RHOBTB1: variants seen among roughly 807,000 people sequenced by gnomAD.
RHOBTB1 encodes the protein rho-related BTB domain-containing protein 1.
Under a neutral mutation model 71.6 loss-of-function variants are expected in RHOBTB1, and 40 were observed. That is an observed-to-expected ratio of 0.56 (90% CI 0.43 to 0.73). The LOEUF is 0.73. Ranked by LOEUF, RHOBTB1 falls within the 30% of genes least tolerant of loss-of-function variation. RHOBTB1 has a pLI of 0.00. For synonymous variants in RHOBTB1, 319 were observed against 334.9 expected (o/e 0.95, Z 0.52); for missense variants, 797 against 894.0 (o/e 0.89, Z 1.38).
rs147808298 is a variant in RHOBTB1 at position 60,875,397 on chromosome 10, C to T, written c.1727-355G>A. Among the ~76,000 whole-genome samples, 574 of 152,284 alleles carry T rather than the reference C, an allele frequency of 3.8e-3. 4 individuals carry two copies. The highest frequency in any genetic ancestry group is 5.3e-3 in the Non-Finnish European group (362 of 68,018). ...AATTAAAAGTTCAGCTCCTCATTCA[C>T]GCTAGCCACAGTAAGTGCTCAACAG... is the stretch of plus-strand genomic sequence containing the variant. On this transcript the variant is annotated intron_variant, in intron 8 of 10. Transcript: ENST00000337910.
At chr10:60,995,683 T>A (rs2087023337) in intron 1 of RHOBTB1, among the ~76,000 whole-genome samples, 1 of 152,238 alleles carries the variant, frequency 6.6e-6, no homozygotes, top group Non-Finnish European at 1.5e-5. Context: ...GGGTTGAATG[T>A]ACTTATTTAA....
intron 2 of RHOBTB1, among the ~76,000 whole-genome samples, chr10:60,983,624 A>G (rs752047466): frequency 5.9e-5 from 9 of 152,184 alleles, no homozygotes; most frequent in Non-Finnish European, 1.3e-4. Flanking sequence ...TGCATTTTAC[A>G]TCTTTGCAAA....
intron 5 of RHOBTB1, among the ~76,000 whole-genome samples, chr10:60,890,466 T>C (rs2081862851): frequency 6.6e-6 from 1 of 152,018 alleles, no homozygotes; most frequent in African/African-American, 2.4e-5. Flanking sequence ...TACAACCTAA[T>C]CAAACCCTGG....
intron 2 of RHOBTB1, among the ~76,000 whole-genome samples, chr10:60,974,780 G>A (rs2086263213): frequency 1.3e-5 from 2 of 152,080 alleles, no homozygotes; most frequent in African/African-American, 4.8e-5. Context: ...CTTACTGGTT[G>A]CAGGAACCTG....
At chr10:60,969,073 GAGTA>G (rs552309074) in intron 2 of RHOBTB1, among the ~76,000 whole-genome samples, 96 of 152,154 alleles carry the variant, frequency 6.3e-4, no homozygotes, top group African/African-American at 2.3e-3. Flanking sequence ...TTCACTTACT[GAGTA>G]AGTGAGATGA....
chr10:60,864,706 T>C (rs970515676), downstream of RHOBTB1, among the ~76,000 whole-genome samples: 3 of 152,194 alleles, frequency 2.0e-5, no homozygotes, highest in African/African-American at 7.2e-5. Flanking sequence ...TATTTATTTA[T>C]TTTTGAGACA....
chr10:60,951,975 T>C (rs1422100203), intron 2 of RHOBTB1, among the ~76,000 whole-genome samples: 9 of 151,958 alleles, frequency 5.9e-5, no homozygotes, highest in African/African-American at 2.2e-4. Flanking sequence ...GGAGAATTGC[T>C]TGAACCCAGG....
At chr10:60,971,981 A>G (rs2086174218) in intron 2 of RHOBTB1, among the ~76,000 whole-genome samples, 1 of 152,242 alleles carries the variant, frequency 6.6e-6, no homozygotes, top group South Asian at 2.1e-4. Context: ...AATCAAAACC[A>G]TAATGAGATA....
At chr10:60,898,241 A>G (rs1301246104) in intron 4 of RHOBTB1, among the ~76,000 whole-genome samples, 1 of 152,120 alleles carries the variant, frequency 6.6e-6, no homozygotes, top group Non-Finnish European at 1.5e-5. Flanking sequence ...CAAAGATTCA[A>G]GTAGGAGTGT....
chr10:60,951,875 G>A (rs2085421120), intron 2 of RHOBTB1, among the ~76,000 whole-genome samples: 1 of 151,954 alleles, frequency 6.6e-6, no homozygotes, highest in Non-Finnish European at 1.5e-5. Context: ...TGGTCAACAT[G>A]ATGAAACCCC....
rs1026030542 is a variant in RHOBTB1 at position 60,870,258 on chromosome 10, A to C, written c.*1224T>G. On this transcript the variant is annotated 3_prime_UTR_variant, in exon 11 of 11. Coordinates refer to ENST00000337910, the MANE Select transcript of RHOBTB1 (RefSeq NM_014836.5). ...ACACTGAAAACTCAGAATGAGAAAG[A>C]GTCAGAACGAACTCACAATAGCACC... The C allele has an allele frequency of 2.0e-5, 3 of 152,630 alleles. No homozygotes were observed. Among genetic ancestry groups the C allele is most frequent in the African/African-American group, 7.2e-5 (3 of 41,438 alleles). 9.5% of individuals were successfully genotyped at this position (152,630 alleles called of 1,614,324 possible).
chr10:60,932,201 G>A (rs564069031), intron 2 of RHOBTB1, among the ~76,000 whole-genome samples: 4 of 152,158 alleles, frequency 2.6e-5, no homozygotes, highest in Admixed American at 1.3e-4. Flanking sequence ...TTAGGCAGAC[G>A]TCTACACATT....
downstream of RHOBTB1, among the ~76,000 whole-genome samples, chr10:60,865,294 A>G (rs1431532189): frequency 6.6e-6 from 1 of 152,252 alleles, no homozygotes; most frequent in Non-Finnish European, 1.5e-5. Context: ...ATTAGAAGAT[A>G]TCCTTCAACA....
intron 2 of RHOBTB1, among the ~76,000 whole-genome samples, chr10:60,932,406 T>C (rs1337949142): frequency 1.3e-5 from 2 of 151,346 alleles, no homozygotes; most frequent in South Asian, 2.1e-4. Flanking sequence ...GTTCTTGATC[T>C]AGGTGCCAGT....
At chr10:60,922,267 G>A (rs2083608647) in intron 2 of RHOBTB1, among the ~76,000 whole-genome samples, 1 of 152,126 alleles carries the variant, frequency 6.6e-6, no homozygotes, top group Non-Finnish European at 1.5e-5. Context: ...ATGAAAGTGA[G>A]TCTTGAATAA....
chr10:60,925,925 C>T (rs1392334807), intron 2 of RHOBTB1, among the ~76,000 whole-genome samples: 1 of 152,020 alleles, frequency 6.6e-6, no homozygotes, highest in Non-Finnish European at 1.5e-5. Context: ...AAAAAGTCTC[C>T]CATCAAATAA....
At chr10:60,897,254 C>A (rs1318562295) in intron 4 of RHOBTB1, among the ~76,000 whole-genome samples, 2 of 152,172 alleles carry the variant, frequency 1.3e-5, no homozygotes, top group Non-Finnish European at 2.9e-5. Context: ...ATCAGAGAAG[C>A]AACCAGAAGC....
intron 4 of RHOBTB1, among the ~76,000 whole-genome samples, chr10:60,906,044 C>T (rs2082660486): frequency 6.6e-6 from 1 of 152,176 alleles, no homozygotes; most frequent in African/African-American, 2.4e-5. Context: ...TCATTTAAAA[C>T]ATGTACTTTA....
At chr10:60,916,992 G>A (rs1449464296) in intron 2 of RHOBTB1, among the ~76,000 whole-genome samples, 3 of 152,214 alleles carry the variant, frequency 2.0e-5, no homozygotes, top group Admixed American at 2.0e-4. Context: ...ACCCACAGAA[G>A]CTAGAAGAGG....
Sources: allele counts gnomAD v4.1 joint callset (sites outside exome capture counted in the v4.1 genomes callset), GRCh38; gene constraint gnomAD v4.1.1; transcripts MANE v1.5; gene names NCBI Gene and HGNC (gene_info 2026-07-23, HGNC 2026-07-21).